The following CENPP variants were observed in gnomAD, a reference collection of about 807,000 sequenced individuals.
The protein encoded by CENPP is centromere protein P.
A neutral mutation model predicts 35.6 loss-of-function variants in CENPP; 24 were observed. That is an observed-to-expected ratio of 0.67 (90% CI 0.49 to 0.95). CENPP has a LOEUF of 0.95. Among genes scored for constraint, CENPP ranks in the 40% least tolerant of loss-of-function variants. The pLI, the probability that CENPP is intolerant of heterozygous loss-of-function variation, is 0.00. For synonymous variants in CENPP, 120 were observed against 125.5 expected, an observed-to-expected ratio of 0.96 and a Z score of 0.29; for missense variants, 332 against 345.3, an observed-to-expected ratio of 0.96 and a Z score of 0.31.
chr9:92,570,999 A>G (rs1850123238), intron 5 of CENPP, among the ~76,000 whole-genome samples: 1 of 151,992 alleles, frequency 6.6e-6, no homozygotes. Flanking sequence ...CTAGCAGTCT[A>G]TCAATTTTGT....
At chr9:92,396,826 T>C (rs964908789) in intron 5 of CENPP, among the ~76,000 whole-genome samples, 3 of 152,070 alleles carry the variant, frequency 2.0e-5, no homozygotes, top group African/African-American at 7.2e-5. Context: ...GCCTCGGCCT[T>C]CCCATAAACA....
intron 5 of CENPP, among the ~76,000 whole-genome samples, chr9:92,552,159 CATATATATGTGATATGATAGATCTATCAT>C (rs1564000336): frequency 4.0e-4 from 55 of 136,222 alleles, no homozygotes; most frequent in Admixed American, 8.0e-4. Flanking sequence ...ATAGATCTAT[CATATATATGTGATATGATAGATCTATCAT>C]ATACACACAC....
chr9:92,451,175 C>G (rs1844697909), intron 5 of CENPP, among the ~76,000 whole-genome samples: 1 of 148,556 alleles, frequency 6.7e-6, no homozygotes, highest in Admixed American at 6.7e-5. Flanking sequence ...CTTGCCCATG[C>G]CTATGTCCTG....
At chr9:92,463,829 A>C (rs1035413723) in intron 5 of CENPP, among the ~76,000 whole-genome samples, 2 of 152,194 alleles carry the variant, frequency 1.3e-5, no homozygotes, top group African/African-American at 4.8e-5. Context: ...GGATTTGTAT[A>C]GTTCTGAATT....
chr9:92,584,706 T>C, intron 5 of CENPP, among the ~76,000 whole-genome samples: 1 of 152,250 alleles, frequency 6.6e-6, no homozygotes, highest in East Asian at 1.9e-4. Flanking sequence ...GCTTCTGTCT[T>C]GGGCCAAGTG....
intron 5 of CENPP, among the ~76,000 whole-genome samples, chr9:92,432,571 G>C (rs933046245): frequency 6.6e-6 from 1 of 152,168 alleles, no homozygotes; most frequent in African/African-American, 2.4e-5. Context: ...AAGGAGGATT[G>C]GGTATAAAAG....
chr9:92,458,790 G>A (rs541981215), intron 5 of CENPP, among the ~76,000 whole-genome samples: 2 of 152,246 alleles, frequency 1.3e-5, no homozygotes, highest in South Asian at 4.2e-4. Context: ...ACATCCAAAT[G>A]CAGCATTTGG....
At position 92,354,464 on chromosome 9, in the gene CENPP, TA is replaced by T. The variant is rs1022204687; in HGVS notation, c.467+8678del. Among the ~76,000 whole-genome samples, 27 of 152,318 alleles carry T rather than the reference TA, an allele frequency of 1.8e-4. 1 individual carries two copies. The highest frequency in any genetic ancestry group is 6.0e-4 in the African/African-American group (25 of 41,580). On this transcript the variant is annotated intron_variant, in intron 4 of 7. Transcript: ENST00000375587. ...TGTTCATGGGCCCATTGAGCAATGA[TA>T]GGGGTGGCTGGGGAAAGAGGCTGAG...
chr9:92,602,188 T>C (rs1850939085), intron 5 of CENPP, among the ~76,000 whole-genome samples: 1 of 152,194 alleles, frequency 6.6e-6, no homozygotes, highest in Non-Finnish European at 1.5e-5. Context: ...ATAGTGATCT[T>C]AAACAGGTTA....
chr9:92,596,759 G>A (rs914574870), intron 5 of CENPP, among the ~76,000 whole-genome samples: 1 of 152,030 alleles, frequency 6.6e-6, no homozygotes, highest in Non-Finnish European at 1.5e-5. Context: ...ATAAGAGCCA[G>A]AGAGGTTCTG....
intron 5 of CENPP, among the ~76,000 whole-genome samples, chr9:92,546,970 A>G (rs543534408): frequency 4.6e-5 from 7 of 152,310 alleles, no homozygotes; most frequent in African/African-American, 1.4e-4. Flanking sequence ...ACAAACTGAC[A>G]GGGACGTCAG....
intron 5 of CENPP, among the ~76,000 whole-genome samples, chr9:92,530,305 A>G (rs1278390473): frequency 6.6e-6 from 1 of 152,208 alleles, no homozygotes; most frequent in African/African-American, 2.4e-5. Flanking sequence ...ATGATATGTC[A>G]GCATAGATTT....
At chr9:92,478,032 A>G (rs1160395757) in intron 5 of CENPP, among the ~76,000 whole-genome samples, 1 of 152,176 alleles carries the variant, frequency 6.6e-6, no homozygotes, top group Non-Finnish European at 1.5e-5. Context: ...TTATAAAAAC[A>G]TATATTCACA....
intron 5 of CENPP, among the ~76,000 whole-genome samples, chr9:92,419,628 G>A (rs1450452758): frequency 3.3e-5 from 5 of 152,198 alleles, no homozygotes; most frequent in South Asian, 4.2e-4. Flanking sequence ...CTGCTTATCC[G>A]CCTGGTCGTT....
chr9:92,517,632 A>G (rs759512415), intron 5 of CENPP: 40 of 1,603,330 alleles, frequency 2.5e-5, no homozygotes, highest in Non-Finnish European at 3.3e-5. Context: ...ACAAAAACAA[A>G]TGGAAGTTAA....
chr9:92,462,460 C>T (rs764927171), intron 5 of CENPP, among the ~76,000 whole-genome samples: 2 of 152,154 alleles, frequency 1.3e-5, no homozygotes, highest in East Asian at 1.9e-4. Context: ...TCCATCAAAC[C>T]TCATTTTGTT....
intron 5 of CENPP, among the ~76,000 whole-genome samples, chr9:92,607,126 T>C (rs191146777): frequency 6.6e-6 from 1 of 152,348 alleles, no homozygotes; most frequent in Admixed American, 6.5e-5. Flanking sequence ...AGAAGTTTTA[T>C]AGTTTTAGCA....
intron 5 of CENPP, chr9:92,404,775 T>C (rs900730096): frequency 5.8e-6 from 3 of 520,932 alleles, no homozygotes; most frequent in South Asian, 8.3e-5. Flanking sequence ...AATTTGACTA[T>C]AAACTTGTGT....
chr9:92,333,936 G>A (rs1840837467), intron 2 of CENPP, among the ~76,000 whole-genome samples: 1 of 152,160 alleles, frequency 6.6e-6, no homozygotes, highest in Admixed American at 6.5e-5. Flanking sequence ...GAAGAATGTA[G>A]ACTTTATTGC....
Sources: allele counts gnomAD v4.1 joint callset (sites outside exome capture counted in the v4.1 genomes callset), GRCh38; gene constraint gnomAD v4.1.1; transcripts MANE v1.5; gene names NCBI Gene and HGNC (gene_info 2026-07-23, HGNC 2026-07-21).